The following LRP1B variants were observed in gnomAD, a reference collection of about 807,000 sequenced individuals.
LRP1B encodes the protein low-density lipoprotein receptor-related protein 1B.
LRP1B carries 217 observed loss-of-function variants against 556.6 expected under a neutral mutation model. The observed-to-expected ratio is 0.39, with a 90% CI of 0.35 to 0.44. The LOEUF is 0.44. Ranked by LOEUF, LRP1B falls within the 20% of genes least tolerant of loss-of-function variation. LRP1B has a pLI of 1.00. For missense variants in LRP1B, 5,053 were observed against 5,620.8 expected, an observed-to-expected ratio of 0.90 and a Z score of 3.23; for synonymous variants, 2,047 against 1,865.8, an observed-to-expected ratio of 1.10 and a Z score of -2.50.
chr2:141,178,182 T>C (rs2105163704), intron 7 of LRP1B, among the ~76,000 whole-genome samples: 1 of 152,162 alleles, frequency 6.6e-6, no homozygotes, highest in East Asian at 1.9e-4. Flanking sequence ...GGGCAGGATA[T>C]TCCCCATTGC....
chr2:141,771,780 A>G (rs1694908160), intron 2 of LRP1B, among the ~76,000 whole-genome samples: 1 of 152,076 alleles, frequency 6.6e-6, no homozygotes, highest in Non-Finnish European at 1.5e-5. Context: ...GAGAGACATA[A>G]GAAAGATGAT....
intron 1 of LRP1B, among the ~76,000 whole-genome samples, chr2:141,999,233 T>C (rs1356580132): frequency 6.6e-6 from 1 of 152,086 alleles, no homozygotes; most frequent in African/African-American, 2.4e-5. Flanking sequence ...TAAGGAGGCA[T>C]GTCCGACCCT....
intron 1 of LRP1B, among the ~76,000 whole-genome samples, chr2:141,934,581 C>A (rs1275797453): frequency 2.0e-5 from 3 of 152,116 alleles, no homozygotes; most frequent in African/African-American, 7.2e-5. Flanking sequence ...CCACCCAAAT[C>A]TCATCTAGAA....
chr2:141,588,822 T>A (rs1687228246), intron 2 of LRP1B, among the ~76,000 whole-genome samples: 1 of 152,226 alleles, frequency 6.6e-6, no homozygotes, highest in Non-Finnish European at 1.5e-5. Flanking sequence ...CTAGTAATTA[T>A]GTGGTTATTT....
intron 2 of LRP1B, among the ~76,000 whole-genome samples, chr2:141,718,848 G>A (rs911835590): frequency 5.9e-5 from 9 of 152,174 alleles, no homozygotes; most frequent in South Asian, 2.1e-4. Flanking sequence ...GCCTACCTTC[G>A]TCAGAAGAAA....
chr2:141,106,262 T>C (rs893262120), intron 7 of LRP1B, among the ~76,000 whole-genome samples: 2 of 152,288 alleles, frequency 1.3e-5, no homozygotes, highest in African/African-American at 2.4e-5. Flanking sequence ...GTTTAGGGAA[T>C]AGAACAAAAG....
chr2:141,055,078 G>A (rs2105455454), intron 10 of LRP1B, 38 bp downstream of exon 10: 1 of 1,607,264 alleles, frequency 6.2e-7, no homozygotes, highest in Non-Finnish European at 8.5e-7. Flanking sequence ...TATTCTAAAG[G>A]GGTAGCTGCT....
In LRP1B at chr2:140,540,994, G is replaced by C. The variant is rs2105016602; in HGVS notation, c.7492C>G (p.Leu2498Val). 1 of 1,610,676 alleles carries C rather than the reference G, an allele frequency of 6.2e-7. No individual in the cohort carries two copies. The highest frequency in any genetic ancestry group is 1.1e-5 in the South Asian group (1 of 90,816). ...NCSCRGDRIL[L>V]EDNRCVTKNS... ...TTACTCACACATCTGTTGTCCTCTA[G>C]CAATATTCGGTCCCCTCTGCAGGAA... The change falls in exon 45 of 91, where the codon CTA becomes GTA. Residue 2498 changes from leucine (L) to valine (V), a missense_variant. Transcript: ENST00000389484.
At chr2:141,694,401 C>G (rs567238395) in intron 2 of LRP1B, among the ~76,000 whole-genome samples, 1 of 152,132 alleles carries the variant, frequency 6.6e-6, no homozygotes, top group African/African-American at 2.4e-5. Flanking sequence ...GCCTTAGTGC[C>G]ACAAACATGG....
At chr2:141,206,919 G>A (rs1032365243) in intron 6 of LRP1B, among the ~76,000 whole-genome samples, 3 of 152,194 alleles carry the variant, frequency 2.0e-5, no homozygotes, top group African/African-American at 4.8e-5. Flanking sequence ...GTGACAAGAA[G>A]TAGTGTGTGT....
chr2:141,194,460 A>T (rs971891605), intron 6 of LRP1B, among the ~76,000 whole-genome samples: 1 of 152,100 alleles, frequency 6.6e-6, no homozygotes, highest in Non-Finnish European at 1.5e-5. Flanking sequence ...GGCAGCCTCA[A>T]CTTCAGCACT....
At chr2:140,929,756 T>TCTCACA (rs377746437) in intron 20 of LRP1B, among the ~76,000 whole-genome samples, 24 of 139,236 alleles carry the variant, frequency 1.7e-4, no homozygotes, top group Non-Finnish European at 3.3e-4. Flanking sequence ...TCATATAGAC[T>TCTCACA]CACACACACA....
intron 41 of LRP1B, among the ~76,000 whole-genome samples, chr2:140,609,356 C>T (rs1231073641): frequency 2.0e-5 from 3 of 152,078 alleles, no homozygotes; most frequent in African/African-American, 7.2e-5. Flanking sequence ...CTTTAGGGTC[C>T]TCCTCTCTTC....
chr2:140,248,508 C>T (rs16843667), intron 86 of LRP1B, among the ~76,000 whole-genome samples: 5,741 of 151,634 alleles, frequency 0.038, 372 homozygotes, highest in African/African-American at 0.13. Flanking sequence ...ATTTTCTATA[C>T]ATCATGTTTA....
intron 15 of LRP1B, among the ~76,000 whole-genome samples, chr2:141,000,910 C>A (rs1181635021): frequency 3.6e-5 from 1 of 27,744 alleles, no homozygotes; most frequent in Non-Finnish European, 7.1e-5. Context: ...CTGTCAATAT[C>A]TTTCCTATAT....
intron 2 of LRP1B, among the ~76,000 whole-genome samples, chr2:141,619,677 T>G (rs1688433503): frequency 6.6e-6 from 1 of 152,188 alleles, no homozygotes; most frequent in South Asian, 2.1e-4. Context: ...TGGAGCTTAG[T>G]TCAACAAGAG....
intron 3 of LRP1B, among the ~76,000 whole-genome samples, chr2:141,255,951 T>C (rs1419227232): frequency 6.6e-6 from 1 of 151,948 alleles, no homozygotes; most frequent in African/African-American, 2.4e-5. Context: ...GTGATATTTA[T>C]TGAGCACATA....
At chr2:141,417,280 A>G (rs1461252751) in intron 3 of LRP1B, among the ~76,000 whole-genome samples, 1 of 152,222 alleles carries the variant, frequency 6.6e-6, no homozygotes, top group Non-Finnish European at 1.5e-5. Flanking sequence ...TGTTAAATGT[A>G]TAGTCCAGGT....
intron 66 of LRP1B, among the ~76,000 whole-genome samples, chr2:140,425,200 TGTTA>T (rs1444490124): frequency 2.0e-5 from 3 of 152,190 alleles, no homozygotes; most frequent in East Asian, 1.9e-4. Context: ...GCCTCCTCAC[TGTTA>T]GTGACAATAG....
Sources: gnomAD v4.1 joint callset for allele counts (sites outside exome capture counted in the v4.1 genomes callset) on GRCh38, gnomAD v4.1.1 for gene constraint, MANE v1.5 for transcripts, NCBI Gene and HGNC (gene_info 2026-07-23, HGNC 2026-07-21) for gene names.